The following RTF2 variants were observed in gnomAD, a reference collection of about 807,000 sequenced individuals.
RTF2 encodes UPF0549 protein C20orf43.
In RTF2, 18 loss-of-function variants were observed where a neutral mutation model predicts 38.0. The ratio of observed to expected loss-of-function variants is 0.47; its 90% CI spans 0.33 to 0.70. The LOEUF (loss-of-function observed/expected upper bound fraction) is 0.70, where lower values mean the gene tolerates loss of function less well. Among genes scored for constraint, RTF2 ranks in the 30% least tolerant of loss-of-function variants. RTF2 has a pLI of 0.02. For missense variants in RTF2, 311 were observed against 379.6 expected (o/e 0.82, Z 1.50); for synonymous variants, 126 against 137.1 (o/e 0.92, Z 0.57).
chr20:56,469,218 C>T (rs1028811726), intron 1 of RTF2, among the ~76,000 whole-genome samples: 7 of 152,220 alleles, frequency 4.6e-5, no homozygotes, highest in African/African-American at 1.4e-4. Context: ...CTTACCACAT[C>T]CTTTTATAAA....
At chr20:56,512,064 G>A (rs1322939493) in intron 5 of RTF2, among the ~76,000 whole-genome samples, 3 of 152,048 alleles carry the variant, frequency 2.0e-5, no homozygotes, top group Admixed American at 6.6e-5. Context: ...GGCTGGTCTC[G>A]AACTCCTGAC....
At chr20:56,496,714 T>C in intron 5 of RTF2, 1 of 1,551,882 alleles carries the variant, frequency 6.4e-7, no homozygotes, top group Non-Finnish European at 8.7e-7. Flanking sequence ...AGCATGTCTT[T>C]TGCATGGATG....
rs57288517 is a variant in RTF2, at chr20:56,483,502, AT to A, written c.399-600del. On this transcript the variant is annotated intron_variant, in intron 4 of 8. Coordinates refer to ENST00000357348, the MANE Select transcript of RTF2 (RefSeq NM_016407.5). ...CACACTTGGCTAAGTTTTTAAAAAG[AT>A]TTTTTTTTAGAGATAGGTTCTCAGT... 6.0e-3 allele frequency among the ~76,000 whole-genome samples: 914 copies of A among 151,248 alleles called. 9 individuals are homozygous for A. The highest frequency in any genetic ancestry group is 0.021 in the African/African-American group (874 of 41,222).
intron 5 of RTF2, among the ~76,000 whole-genome samples, chr20:56,486,330 C>A (rs1982791479): frequency 6.6e-6 from 1 of 152,100 alleles, no homozygotes. Flanking sequence ...AGTACTGTTT[C>A]TCTATATTTA....
chr20:56,492,413 T>TA (rs1197888150), intron 5 of RTF2, among the ~76,000 whole-genome samples: 2 of 143,596 alleles, frequency 1.4e-5, no homozygotes, highest in Non-Finnish European at 3.0e-5. Flanking sequence ...GAACATTTGA[T>TA]ACAAACATTG....
chr20:56,485,241 G>A lies in RTF2; in HGVS notation c.477+1052G>A, dbSNP rs942425205. Among the ~76,000 whole-genome samples the A allele has an allele frequency of 3.9e-5, 6 of 152,338 alleles. 1 individual carries two copies. Among genetic ancestry groups the A allele is most frequent in the African/African-American group, 1.4e-4 (6 of 41,574 alleles). ...GAGCTGAGACCCGAAGGGCACGAGGGAGCCAGCTGTGCACAGCCTGAGTAG... is the reference window on the plus strand; with the variant it reads ...GAGCTGAGACCCGAAGGGCACGAGGAAGCCAGCTGTGCACAGCCTGAGTAG... On this transcript the variant is annotated intron_variant, in intron 5 of 8. Coordinates refer to ENST00000357348, the MANE Select transcript of RTF2 (RefSeq NM_016407.5).
At chr20:56,510,371 A>G (rs1016977432) in intron 5 of RTF2, among the ~76,000 whole-genome samples, 4 of 152,190 alleles carry the variant, frequency 2.6e-5, no homozygotes, top group African/African-American at 7.2e-5. Flanking sequence ...GAGATAGAAC[A>G]TGATTTCTGC....
chr20:56,505,363 C>T (rs1487481694), intron 5 of RTF2, among the ~76,000 whole-genome samples: 2 of 151,852 alleles, frequency 1.3e-5, no homozygotes, highest in African/African-American at 4.8e-5. Flanking sequence ...TGGTGCGCAC[C>T]TGTAGTCCTA....
At chr20:56,511,777 A>G (rs1042798712) in intron 5 of RTF2, among the ~76,000 whole-genome samples, 1 of 152,040 alleles carries the variant, frequency 6.6e-6, no homozygotes, top group Admixed American at 6.5e-5. Flanking sequence ...GAGCAGGATC[A>G]ACCACTGCAC....
At chr20:56,501,676 A>AC (rs1339578793) in intron 5 of RTF2, among the ~76,000 whole-genome samples, 1 of 151,960 alleles carries the variant, frequency 6.6e-6, no homozygotes, top group Admixed American at 6.6e-5. Context: ...ATGTAGTGAG[A>AC]CCCCTTCTCT....
chr20:56,500,334 G>A (rs754518732), intron 5 of RTF2, among the ~76,000 whole-genome samples: 4 of 152,216 alleles, frequency 2.6e-5, no homozygotes, highest in African/African-American at 9.6e-5. Flanking sequence ...GATTACAGGC[G>A]TGAGCCACCT....
chr20:56,517,027 C>T lies in RTF2; in HGVS notation c.646+38C>T, dbSNP rs764736564. On this transcript the variant is annotated intron_variant, in intron 7 of 8. Coordinates refer to ENST00000357348, the MANE Select transcript of RTF2 (RefSeq NM_016407.5). ...AAGAGATCCTTATTTTAGCAAAATG[C>T]GACTCTAGGGCAGTCTGCTAATATG... is the stretch of plus-strand genomic sequence containing the variant. The T allele has an allele frequency of 5.1e-5, 82 of 1,606,776 alleles. No individual in the cohort carries two copies. Among genetic ancestry groups the T allele is most frequent in the Non-Finnish European group, 6.5e-5 (76 of 1,173,526 alleles).
At chr20:56,505,763 A>C (rs1226812622) in intron 5 of RTF2, among the ~76,000 whole-genome samples, 1 of 152,140 alleles carries the variant, frequency 6.6e-6, no homozygotes, top group Non-Finnish European at 1.5e-5. Flanking sequence ...AACATACTAG[A>C]CGAGCTGAGC....
rs899518622 is a variant in RTF2 at position 56,491,719 on chromosome 20, A to G, written c.477+7530A>G. On this transcript the variant is annotated intron_variant, in intron 5 of 8. Coordinates refer to ENST00000357348, the MANE Select transcript of RTF2 (RefSeq NM_016407.5). ...GTTCGAATTTGTTGGCAAACAGAGA[A>G]GGCGACTGAATGAGCCACGGCAGGT... 5.2e-6 allele frequency: 8 copies of G among 1,552,178 alleles called. No homozygotes were observed. The African/African-American group carries it at 1.1e-4, about 21-fold the overall frequency.
At chr20:56,495,300 A>G in intron 5 of RTF2, 2 of 1,550,172 alleles carry the variant, frequency 1.3e-6, no homozygotes, top group Non-Finnish European at 1.7e-6. Flanking sequence ...TGGAGCATCT[A>G]AGAGGAAAAC....
intron 5 of RTF2, among the ~76,000 whole-genome samples, chr20:56,512,912 G>A (rs1458029329): frequency 2.0e-5 from 3 of 152,120 alleles, no homozygotes; most frequent in South Asian, 2.1e-4. Context: ...CCAGAGTTTT[G>A]GCTGAGGGCT....
intron 1 of RTF2, among the ~76,000 whole-genome samples, chr20:56,469,056 G>A (rs1464815197): frequency 6.6e-6 from 1 of 152,190 alleles, no homozygotes; most frequent in African/African-American, 2.4e-5. Context: ...GGAAGTTGAG[G>A]CTCAAAAGGA....
At chr20:56,512,833 T>C (rs918765682) in intron 5 of RTF2, among the ~76,000 whole-genome samples, 10 of 152,306 alleles carry the variant, frequency 6.6e-5, no homozygotes, top group South Asian at 2.1e-4. Flanking sequence ...AAGTGAATAC[T>C]TCCCCCCGCA....
intron 5 of RTF2, 76 bp downstream of exon 5, chr20:56,484,265 A>G (rs1347587596): frequency 3.3e-6 from 4 of 1,220,244 alleles, no homozygotes; most frequent in Middle Eastern, 1.9e-4. Context: ...CTTTCCCTCC[A>G]TTTGTTCTTT....
Sources: gnomAD v4.1 joint callset for allele counts (sites outside exome capture counted in the v4.1 genomes callset) on GRCh38, gnomAD v4.1.1 for gene constraint, MANE v1.5 for transcripts, NCBI Gene and HGNC (gene_info 2026-07-23, HGNC 2026-07-21) for gene names.